DLG2: variants seen among roughly 807,000 people sequenced by gnomAD.
The protein encoded by DLG2 is disks large homolog 2.
In DLG2, 45 loss-of-function variants were observed where a neutral mutation model predicts 132.5. The ratio of observed to expected loss-of-function variants is 0.34; its 90% CI spans 0.27 to 0.44. The LOEUF is 0.44. DLG2 is among the 20% of genes least tolerant of loss of function. The pLI, the probability that DLG2 is intolerant of heterozygous loss-of-function variation, is 1.00. For synonymous variants in DLG2, 424 were observed against 419.6 expected, an observed-to-expected ratio of 1.01 and a Z score of -0.13; for missense variants, 1,045 against 1,196.9, an observed-to-expected ratio of 0.87 and a Z score of 1.87.
chr11:83,618,397 C>G (rs984721499), intron 19 of DLG2, among the ~76,000 whole-genome samples: 1 of 152,072 alleles, frequency 6.6e-6, no homozygotes, highest in Non-Finnish European at 1.5e-5. Flanking sequence ...TTTGGTATCA[C>G]GGTGATGTTA....
intron 6 of DLG2, among the ~76,000 whole-genome samples, chr11:84,714,178 T>TAA (rs535841206): frequency 7.0e-5 from 9 of 127,762 alleles, no homozygotes; most frequent in Non-Finnish European, 1.4e-4. Flanking sequence ...TACTATAAAA[T>TAA]AAAAAAAAAA....
chr11:84,107,689 A>T (rs2093062858), intron 9 of DLG2, among the ~76,000 whole-genome samples: 1 of 152,134 alleles, frequency 6.6e-6, no homozygotes. Flanking sequence ...ACGGTAAGTT[A>T]TAGTATTATT....
intron 6 of DLG2, among the ~76,000 whole-genome samples, chr11:85,034,845 T>C (rs2061322721): frequency 6.6e-6 from 1 of 152,144 alleles, no homozygotes; most frequent in Non-Finnish European, 1.5e-5. Flanking sequence ...GATGATTCTT[T>C]TTCTGATTAT....
At chr11:84,666,595 T>C (rs1332282685) in intron 6 of DLG2, among the ~76,000 whole-genome samples, 2 of 152,024 alleles carry the variant, frequency 1.3e-5, no homozygotes, top group African/African-American at 4.8e-5. Context: ...GCAAAACAAT[T>C]TGATATCAAA....
intron 7 of DLG2, among the ~76,000 whole-genome samples, chr11:84,504,809 T>C (rs1253466696): frequency 1.7e-5 from 2 of 119,374 alleles, no homozygotes; most frequent in African/African-American, 7.5e-5. Flanking sequence ...GTTGACTCCA[T>C]GTTTTAGCAG....
intron 6 of DLG2, among the ~76,000 whole-genome samples, chr11:84,899,587 G>A (rs2090630857): frequency 6.6e-6 from 1 of 152,104 alleles, no homozygotes; most frequent in South Asian, 2.1e-4. Context: ...CAGTTTGGAA[G>A]CACCAATATT....
intron 10 of DLG2, among the ~76,000 whole-genome samples, chr11:84,081,820 T>C (rs564151851): frequency 1.3e-5 from 2 of 152,338 alleles, no homozygotes; most frequent in East Asian, 3.9e-4. Flanking sequence ...TTATAATCCT[T>C]TGGGTATATA....
intron 9 of DLG2, among the ~76,000 whole-genome samples, chr11:84,106,617 G>T (rs925479364): frequency 2.6e-5 from 4 of 152,106 alleles, no homozygotes; most frequent in Admixed American, 2.0e-4. Context: ...TCTGGAAGCT[G>T]CTGGGTAGAA....
At chr11:85,010,853 T>C (rs772820824) in intron 6 of DLG2, among the ~76,000 whole-genome samples, 7 of 152,184 alleles carry the variant, frequency 4.6e-5, no homozygotes, top group South Asian at 4.1e-4. Flanking sequence ...TCACCTTTTA[T>C]TGACAAGTGG....
chr11:84,339,528 G>A (rs1470228127), intron 7 of DLG2, among the ~76,000 whole-genome samples: 1 of 151,996 alleles, frequency 6.6e-6, no homozygotes, highest in Non-Finnish European at 1.5e-5. Context: ...TTTTAAGACG[G>A]TGATCTCTCC....
intron 18 of DLG2, among the ~76,000 whole-genome samples, chr11:83,768,364 C>T (rs888506389): frequency 1.3e-5 from 2 of 152,168 alleles, no homozygotes; most frequent in African/African-American, 4.8e-5. Context: ...GAAAGTATTT[C>T]CATTTGTGAT....
chr11:84,811,575 C>CTCA (rs2076561830), intron 6 of DLG2, among the ~76,000 whole-genome samples: 2 of 152,058 alleles, frequency 1.3e-5, no homozygotes, highest in African/African-American at 4.8e-5. Flanking sequence ...TTCCCCTAGT[C>CTCA]TCATCATCTT....
chr11:84,814,705 C>T lies in DLG2; in HGVS notation c.358-279974G>A, dbSNP rs1306860460. 2.6e-5 allele frequency among the ~76,000 whole-genome samples: 4 copies of T among 152,220 alleles called. No individual in the cohort carries two copies. In the East Asian group the frequency reaches 7.8e-4, roughly 30 times the overall value. On this transcript the variant is annotated intron_variant, in intron 6 of 27. Coordinates refer to ENST00000376104, the MANE Select transcript of DLG2 (RefSeq NM_001142699.3). ...ATCTACTTCCCCACTTCACCCCCAC[C>T]TCCTGCATTTGTCTAGCCAACTTCA... is the stretch of plus-strand genomic sequence containing the variant.
At chr11:85,614,789 A>G (rs564639108) in intron 2 of DLG2, among the ~76,000 whole-genome samples, 1 of 152,238 alleles carries the variant, frequency 6.6e-6, no homozygotes, top group Non-Finnish European at 1.5e-5. Context: ...AAGAACTACT[A>G]CTATATACAT....
At chr11:83,582,157 T>A (rs2096990530) in intron 19 of DLG2, among the ~76,000 whole-genome samples, 1 of 151,802 alleles carries the variant, frequency 6.6e-6, no homozygotes, top group South Asian at 2.1e-4. Context: ...GGTTTCTCCA[T>A]GTTGGCCAGG....
At chr11:83,648,004 C>T (rs920953526) in intron 18 of DLG2, 2 of 152,090 alleles carry the variant, frequency 1.3e-5, no homozygotes, top group Admixed American at 1.3e-4. Context: ...TATTTTTATA[C>T]CTTTTATTCA....
intron 3 of DLG2, among the ~76,000 whole-genome samples, chr11:85,313,461 C>T (rs565041979): frequency 3.9e-5 from 6 of 152,108 alleles, no homozygotes; most frequent in African/African-American, 1.2e-4. Context: ...GATCAACTTA[C>T]ACAGATTCCC....
chr11:85,353,937 T>G (rs907229288), intron 3 of DLG2, among the ~76,000 whole-genome samples: 13 of 151,692 alleles, frequency 8.6e-5, no homozygotes, highest in African/African-American at 3.2e-4. Flanking sequence ...TGTATACATG[T>G]GTAACAAATC....
At chr11:84,754,020 C>A (rs1370769901) in intron 6 of DLG2, among the ~76,000 whole-genome samples, 4 of 152,210 alleles carry the variant, frequency 2.6e-5, no homozygotes, top group African/African-American at 9.6e-5. Context: ...TTCAGTGGAA[C>A]AGCAGGGAGA....
Sources: allele counts gnomAD v4.1 joint callset (sites outside exome capture counted in the v4.1 genomes callset), GRCh38; gene constraint gnomAD v4.1.1; transcripts MANE v1.5; gene names NCBI Gene and HGNC (gene_info 2026-07-23, HGNC 2026-07-21).